The following SYNE1 variants were observed in gnomAD, a reference collection of about 807,000 sequenced individuals.
SYNE1 encodes the protein nesprin-1.
In SYNE1, 616 loss-of-function variants were observed where a neutral mutation model predicts 1,111.0. The ratio of observed to expected loss-of-function variants is 0.55; its 90% confidence interval spans 0.52 to 0.59. SYNE1 has a LOEUF of 0.59. Ranked by LOEUF, SYNE1 falls within the 20% of genes least tolerant of loss-of-function variation. SYNE1 has a pLI of 0.00. For synonymous variants in SYNE1, 3,855 were observed against 3,825.8 expected (o/e 1.01, Z -0.28); for missense variants, 10,006 against 10,417.0 (o/e 0.96, Z 1.72).
chr6:152,169,161 T>C (rs1214369106), intron 130 of SYNE1, among the ~76,000 whole-genome samples: 1 of 152,104 alleles, frequency 6.6e-6, no homozygotes, highest in Non-Finnish European at 1.5e-5. Context: ...TGCTAAGTTC[T>C]TTCCAAAAAG....
intron 18 of SYNE1, 77 bp from the exon 19 acceptor site, chr6:152,463,594 GA>G (rs2098746862): frequency 8.2e-7 from 1 of 1,221,716 alleles, no homozygotes; most frequent in African/African-American, 1.5e-5. Context: ...ACTAAAGTAG[GA>G]AAAATATTTT....
chr6:152,296,589 A>G (rs1168521409), intron 93 of SYNE1, among the ~76,000 whole-genome samples: 2 of 152,194 alleles, frequency 1.3e-5, no homozygotes, highest in African/African-American at 2.4e-5. Flanking sequence ...TCAAGTTCTC[A>G]TTACAGTAAC....
chr6:152,435,324 C>T (rs191466230), intron 33 of SYNE1: 1 of 151,046 alleles, frequency 6.6e-6, no homozygotes, highest in East Asian at 1.9e-4. Context: ...TGTTTTTCCC[C>T]TCCAAACTTT....
intron 141 of SYNE1, 109 bp from the exon 142 acceptor site, chr6:152,135,341 T>C: frequency 8.5e-7 from 1 of 1,171,942 alleles, no homozygotes; most frequent in Non-Finnish European, 1.2e-6. Context: ...TTTAAGAACA[T>C]ACATGCAACT....
rs1295360409 is a variant in SYNE1, at chr6:152,488,481, T to C, written c.962A>G (p.Lys321Arg). 1.9e-6 allele frequency: 3 copies of C among 1,599,194 alleles called. No individual in the cohort carries two copies. Among genetic ancestry groups the C allele is most frequent in the Non-Finnish European group, 2.6e-6 (3 of 1,168,570 alleles). ...TTGTTCTATCCAAACTTTCATTTCC[T>C]TAAAAATTACTCTGTCTTCTCTCTG... is the stretch of plus-strand genomic sequence containing the variant. ...NFKREDRVIF[K>R]EMKVWIEQFE... Residue 321 changes from lysine to arginine, a missense_variant, in exon 12 of 146, where the codon AAG becomes AGG. Physicochemically the swap from Lys to Arg is conservative, Grantham distance 26. Coordinates refer to ENST00000367255, the MANE Select transcript of SYNE1 (RefSeq NM_182961.4).
Position 152,236,278 on chromosome 6 carries a change from T to C in SYNE1, c.20225A>G (p.Tyr6742Cys), listed in dbSNP as rs2084015161. Residue 6742 changes from tyrosine to cysteine, a missense_variant, in exon 110 of 146, where the codon TAC becomes TGC. Tyr to Cys is a radical substitution (Grantham distance 194). Transcript: ENST00000367255. ...YQHLKSSLNE[Y>C]QPKLYQVLDD... ...TAATACTTGATATAATTTGGGCTGG[T>C]ATTCATTAAGGCTAGATTTTAAATG... is the stretch of plus-strand genomic sequence containing the variant. 6.2e-7 allele frequency: 1 copy of C among 1,613,914 alleles called. No individual in the cohort carries two copies. The highest frequency in any genetic ancestry group is 8.5e-7 in the Non-Finnish European group (1 of 1,179,824).
In SYNE1 at chr6:152,255,696, A is replaced by G. The variant is rs2153623542; in HGVS notation, c.19155T>C (p.Asp6385=). The G allele has an allele frequency of 6.2e-7, 1 of 1,614,240 alleles. No homozygotes were observed. The highest frequency in any genetic ancestry group is 8.5e-7 in the Non-Finnish European group (1 of 1,180,044). The change falls in exon 103 of 146, where the codon GAT becomes GAC. Residue 6385 remains aspartate (D), a synonymous_variant. Coordinates refer to ENST00000367255, the MANE Select transcript of SYNE1 (RefSeq NM_182961.4). ...ACCAAGTAGAGGTGGCTGAGACTCC[A>G]TCATACAACTTCTGCTCCAAGTGTA... ...QSIHLEQKLY[D]GVSATSTWLD... is the part of the protein sequence containing the mutation.
intron 9 of SYNE1, among the ~76,000 whole-genome samples, chr6:152,504,803 C>CTT (rs1425405889): frequency 6.6e-6 from 1 of 152,150 alleles, no homozygotes; most frequent in Non-Finnish European, 1.5e-5. Context: ...CTGATTGACA[C>CTT]CAAAACACTG....
rs1376772970 is a variant in SYNE1 at position 152,401,126 on chromosome 6, T to C, written c.7029+12A>G. ...TTTGAATGGAAGCACTTAATGATAG[T>C]TTATTACCTACCTTGACTTTTTTCA... is the stretch of plus-strand genomic sequence containing the variant. On this transcript the variant is annotated intron_variant, in intron 47 of 145. Coordinates refer to ENST00000367255, the MANE Select transcript of SYNE1 (RefSeq NM_182961.4). 2 of 1,613,210 alleles carry C rather than the reference T, an allele frequency of 1.2e-6. No individual in the cohort carries two copies. Among genetic ancestry groups the C allele is most frequent in the Admixed American group, 3.3e-5 (2 of 60,006 alleles).
intron 130 of SYNE1, among the ~76,000 whole-genome samples, chr6:152,171,666 C>G (rs900414846): frequency 9.2e-5 from 14 of 152,092 alleles, no homozygotes; most frequent in African/African-American, 3.4e-4. Context: ...AAGGAAGAGG[C>G]CCTGCAGTGA....
In SYNE1 at chr6:152,353,142, G is replaced by T. The variant is rs1431445763; in HGVS notation, c.11253+121C>A. The T allele has an allele frequency of 3.8e-6, 5 of 1,331,226 alleles. No homozygotes were observed. The African/African-American group carries it at 4.3e-5, about 12-fold the overall frequency. 82.5% of individuals were successfully genotyped at this position (1,331,226 alleles called of 1,614,324 possible). ...CTTAGTATTTCAAGTAAAATGATGA[G>T]CTCAGGATCACCAATCATAATGGTT... On this transcript the variant is annotated intron_variant, in intron 69 of 145. Coordinates refer to ENST00000367255, the MANE Select transcript of SYNE1 (RefSeq NM_182961.4).
At chr6:152,225,912 C>G (rs1445659807) in intron 115 of SYNE1, 36 bp from the exon 116 acceptor site, 3 of 1,601,700 alleles carry the variant, frequency 1.9e-6, no homozygotes, top group African/African-American at 2.7e-5. Flanking sequence ...TTAAATTGTT[C>G]TATTATGGAA....
At chr6:152,203,786 A>G (rs1044682978) in intron 126 of SYNE1, among the ~76,000 whole-genome samples, 3 of 152,142 alleles carry the variant, frequency 2.0e-5, no homozygotes, top group Non-Finnish European at 4.4e-5. Flanking sequence ...AAATTCCTTC[A>G]TAGAACTTCT....
intron 3 of SYNE1, among the ~76,000 whole-genome samples, chr6:152,604,996 GAA>G (rs1312436159): frequency 1.6e-3 from 43 of 27,036 alleles, no homozygotes; most frequent in Middle Eastern, 0.026. Flanking sequence ...AAGAAAGAAA[GAA>G]AGAAAGAAAG....
intron 8 of SYNE1, among the ~76,000 whole-genome samples, chr6:152,507,865 C>T (rs2099066148): frequency 1.3e-5 from 2 of 152,108 alleles, no homozygotes; most frequent in South Asian, 4.1e-4. Flanking sequence ...AATTAGAGGG[C>T]TTAACTATCT....
At chr6:152,610,023 C>T (rs2099626821) in intron 3 of SYNE1, among the ~76,000 whole-genome samples, 1 of 152,180 alleles carries the variant, frequency 6.6e-6, no homozygotes, top group Non-Finnish European at 1.5e-5. Context: ...GTAGATAAAA[C>T]CACAAAGATG....
chr6:152,548,288 A>C (rs1050515036), intron 3 of SYNE1, among the ~76,000 whole-genome samples: 1 of 152,238 alleles, frequency 6.6e-6, no homozygotes, highest in Admixed American at 6.5e-5. Flanking sequence ...GTCTAGGAAG[A>C]AGGCTAAGAA....
chr6:152,411,237 A>G (rs997574982), intron 42 of SYNE1, among the ~76,000 whole-genome samples: 3 of 152,206 alleles, frequency 2.0e-5, no homozygotes, highest in East Asian at 1.9e-4. Context: ...GTCTGGGTCT[A>G]TTTCTGGACT....
intron 98 of SYNE1, 91 bp downstream of exon 98, chr6:152,277,998 G>A (rs772715111): frequency 6.1e-5 from 87 of 1,432,320 alleles, no homozygotes; most frequent in South Asian, 3.6e-4. Context: ...ACGCGTCACC[G>A]CCAACCTGTT....
Sources: gnomAD v4.1 joint callset for allele counts (sites outside exome capture counted in the v4.1 genomes callset) on GRCh38, gnomAD v4.1.1 for gene constraint, MANE v1.5 for transcripts, NCBI Gene and HGNC (gene_info 2026-07-23, HGNC 2026-07-21) for gene names.